TBC1D14: variants seen among roughly 807,000 people sequenced by gnomAD.
The protein encoded by TBC1D14 is TBC1 domain family, member 14.
In TBC1D14, 26 loss-of-function variants were observed where a neutral mutation model predicts 79.0. The observed-to-expected ratio is 0.33, with a 90% CI of 0.24 to 0.46. TBC1D14 has a LOEUF of 0.46. Among genes scored for constraint, TBC1D14 ranks in the 20% least tolerant of loss-of-function variants. The pLI, the probability that TBC1D14 is intolerant of heterozygous loss-of-function variation, is 1.00. For missense variants in TBC1D14, 769 were observed against 887.6 expected (o/e 0.87, Z 1.70); for synonymous variants, 394 against 349.9 (o/e 1.13, Z -1.40).
intron 1 of TBC1D14, among the ~76,000 whole-genome samples, chr4:6,920,056 A>G (rs895806444): frequency 6.6e-6 from 1 of 151,938 alleles, no homozygotes; most frequent in African/African-American, 2.4e-5. Context: ...CCGGGACTAC[A>G]GGTGTGCACT....
At chr4:6,948,820 G>T (rs1357889070) in intron 2 of TBC1D14, among the ~76,000 whole-genome samples, 1 of 150,790 alleles carries the variant, frequency 6.6e-6, no homozygotes, top group East Asian at 2.0e-4. Flanking sequence ...CTGCCTCAGC[G>T]TCCCAAGTAG....
chr4:6,959,458 C>A (rs1005076808), intron 2 of TBC1D14, among the ~76,000 whole-genome samples: 1 of 152,184 alleles, frequency 6.6e-6, no homozygotes, highest in Non-Finnish European at 1.5e-5. Flanking sequence ...TGGGCCTTCC[C>A]CCGGGCTGGT....
At chr4:7,025,393 G>A (rs1158407442) in intron 13 of TBC1D14, 131 bp downstream of exon 13, 7 of 1,423,830 alleles carry the variant, frequency 4.9e-6, no homozygotes, top group Non-Finnish European at 6.5e-6. Flanking sequence ...GAACTGAGGG[G>A]GGCCGGGTGG....
chr4:6,960,162 A>G (rs1484228935), intron 2 of TBC1D14, among the ~76,000 whole-genome samples: 2 of 147,196 alleles, frequency 1.4e-5, no homozygotes, highest in African/African-American at 5.0e-5. Flanking sequence ...GCTCACTGCA[A>G]CCTCCGCCTC....
intron 2 of TBC1D14, among the ~76,000 whole-genome samples, chr4:6,960,853 GA>G (rs1359606099): frequency 6.6e-6 from 1 of 152,198 alleles, no homozygotes; most frequent in African/African-American, 2.4e-5. Flanking sequence ...ACAGGCCTGT[GA>G]AAGACCCTGG....
intron 3 of TBC1D14, among the ~76,000 whole-genome samples, chr4:6,968,846 C>T (rs960339934): frequency 6.6e-6 from 1 of 152,246 alleles, no homozygotes; most frequent in African/African-American, 2.4e-5. Context: ...GCTCTTGGAC[C>T]AGCCCAGGCA....
At chr4:7,017,650 G>T (rs1253337786) in intron 12 of TBC1D14, among the ~76,000 whole-genome samples, 2 of 152,204 alleles carry the variant, frequency 1.3e-5, no homozygotes, top group African/African-American at 4.8e-5. Flanking sequence ...AGGGCCTTGT[G>T]AATGCTGTCC....
chr4:6,971,912 C>T (rs1716259717), intron 3 of TBC1D14, among the ~76,000 whole-genome samples: 1 of 152,200 alleles, frequency 6.6e-6, no homozygotes, highest in African/African-American at 2.4e-5. Context: ...CAAAGCCCAC[C>T]GGCCAGGCAA....
intron 3 of TBC1D14, among the ~76,000 whole-genome samples, chr4:6,981,922 G>A (rs1420679879): frequency 1.3e-5 from 2 of 152,194 alleles, no homozygotes; most frequent in African/African-American, 2.4e-5. Flanking sequence ...ATGCTTAATG[G>A]AGAAAGACTG....
chr4:7,004,722 A>T, intron 7 of TBC1D14, 122 bp from the exon 8 acceptor site: 1 of 784,400 alleles, frequency 1.3e-6, no homozygotes, highest in Non-Finnish European at 2.1e-6. Flanking sequence ...TAGCCTGTTA[A>T]GTATGCATTA....
intron 13 of TBC1D14, among the ~76,000 whole-genome samples, chr4:7,026,010 T>G (rs1422221684): frequency 1.3e-5 from 2 of 152,226 alleles, no homozygotes; most frequent in Non-Finnish European, 2.9e-5. Flanking sequence ...TTTCCTTTTC[T>G]GTACGTGCTA....
intron 3 of TBC1D14, among the ~76,000 whole-genome samples, chr4:6,991,591 C>T (rs757804753): frequency 1.2e-4 from 19 of 152,214 alleles, no homozygotes; most frequent in Non-Finnish European, 2.4e-4. Flanking sequence ...TTCGTTGGGC[C>T]ATCTGACCAC....
At position 6,941,894 on chromosome 4, in the gene TBC1D14, CCTT is replaced by C. The variant is rs1351009943; in HGVS notation, c.722+17786_722+17788del. On this transcript the variant is annotated intron_variant, in intron 2 of 13. Coordinates refer to ENST00000409757, the MANE Select transcript of TBC1D14 (RefSeq NM_020773.3). ...TTTAGGTCCTTTGCCAGCCCACCTT[CCTT>C]CTGCCCTAGGTGAGGTTAGGTTCAG... Among the ~76,000 whole-genome samples the C allele has an allele frequency of 5.3e-5, 8 of 152,296 alleles. No individual in the cohort carries two copies. The East Asian group carries it at 1.5e-3, about 29-fold the overall frequency.
At chr4:7,002,481 G>A (rs887498995) in intron 7 of TBC1D14, among the ~76,000 whole-genome samples, 1 of 152,094 alleles carries the variant, frequency 6.6e-6, no homozygotes, top group African/African-American at 2.4e-5. Context: ...TATTGTTTTG[G>A]ATTGGGCTAA....
At chr4:6,980,398 C>A (rs1288374491) in intron 3 of TBC1D14, among the ~76,000 whole-genome samples, 1 of 152,030 alleles carries the variant, frequency 6.6e-6, no homozygotes, top group Non-Finnish European at 1.5e-5. Context: ...TAGAGGGAAA[C>A]GTATAGCATT....
At position 6,977,516 on chromosome 4, in the gene TBC1D14, A is replaced by G. The variant is rs1185225443; in HGVS notation, c.843+10092A>G. On this transcript the variant is annotated intron_variant, in intron 3 of 13. Coordinates refer to ENST00000409757, the MANE Select transcript of TBC1D14 (RefSeq NM_020773.3). ...CCTGCCTTGGCCCCGCAAAGTGCCG[A>G]GATTGCAGCCTCTGCCCGGCCGCCA... is the stretch of plus-strand genomic sequence containing the variant. 3.4e-3 allele frequency among the ~76,000 whole-genome samples: 500 copies of G among 149,088 alleles called. 4 individuals are homozygous for G. Among genetic ancestry groups the G allele is most frequent in the African/African-American group, 0.012 (469 of 40,608 alleles).
At chr4:6,983,592 A>T (rs1329432935) in intron 3 of TBC1D14, among the ~76,000 whole-genome samples, 1 of 152,206 alleles carries the variant, frequency 6.6e-6, no homozygotes, top group African/African-American at 2.4e-5. Flanking sequence ...TCAGGAGATT[A>T]TCCCATAAAA....
intron 9 of TBC1D14, among the ~76,000 whole-genome samples, chr4:7,009,631 G>A (rs1273642759): frequency 6.6e-6 from 1 of 152,326 alleles, no homozygotes; most frequent in South Asian, 2.1e-4. Context: ...CCAGGGTGGT[G>A]CTCCTGCCTG....
At chr4:6,924,669 G>C (rs1030456240) in intron 2 of TBC1D14, among the ~76,000 whole-genome samples, 4 of 152,158 alleles carry the variant, frequency 2.6e-5, no homozygotes, top group Non-Finnish European at 4.4e-5. Flanking sequence ...TGCTGGGCCT[G>C]GCCATGCACT....
Sources: allele counts gnomAD v4.1 joint callset (sites outside exome capture counted in the v4.1 genomes callset), GRCh38; gene constraint gnomAD v4.1.1; transcripts MANE v1.5; gene names NCBI Gene and HGNC (gene_info 2026-07-23, HGNC 2026-07-21).